The following CSMD1 variants were observed in gnomAD, a reference collection of about 807,000 sequenced individuals.
CSMD1 encodes CUB and sushi domain-containing protein 1.
A neutral mutation model predicts 417.5 loss-of-function variants in CSMD1; 213 were observed. That is an observed-to-expected ratio of 0.51 (90% CI 0.46 to 0.57). The LOEUF is 0.57. CSMD1 is among the 20% of genes least tolerant of loss of function. The pLI, the probability that CSMD1 is intolerant of heterozygous loss-of-function variation, is 0.00. For missense variants in CSMD1, 6,923 were observed against 4,529.7 expected (o/e 1.53, Z -15.17); for synonymous variants, 2,862 against 1,736.8 (o/e 1.65, Z -16.11).
chr8:3,776,158 A>ACGGAT (rs1188851701), intron 5 of CSMD1, among the ~76,000 whole-genome samples: 1 of 152,046 alleles, frequency 6.6e-6, no homozygotes, highest in East Asian at 1.9e-4. Flanking sequence ...TGCACATCAT[A>ACGGAT]CGGATCCTAC....
chr8:3,941,748 A>G (rs1810898423), intron 5 of CSMD1, among the ~76,000 whole-genome samples: 2 of 152,186 alleles, frequency 1.3e-5, no homozygotes, highest in Non-Finnish European at 1.5e-5. Context: ...AATCTTGCCT[A>G]AAACAGCATG....
rs989130046 is a variant in CSMD1, at chr8:3,852,707, G to C, written c.819-98665C>G. Reference sequence around the variant, plus strand: ...GTGGGGAGGAGCCTTTGGAGGCTGTGAGGGACGGGAGAGATGGAGGGTCAG... The same window carrying C: ...GTGGGGAGGAGCCTTTGGAGGCTGTCAGGGACGGGAGAGATGGAGGGTCAG... On this transcript the variant is annotated intron_variant, in intron 5 of 69. Coordinates refer to ENST00000635120, the MANE Select transcript of CSMD1 (RefSeq NM_033225.6). Among the ~76,000 whole-genome samples, 3 of 152,144 alleles carry C rather than the reference G, an allele frequency of 2.0e-5. No homozygotes were observed. The East Asian group carries it at 5.8e-4, about 30-fold the overall frequency.
intron 1 of CSMD1, among the ~76,000 whole-genome samples, chr8:4,892,266 T>A (rs1804170785): frequency 6.6e-6 from 1 of 152,060 alleles, no homozygotes; most frequent in African/African-American, 2.4e-5. Context: ...ACCACCTGGG[T>A]AGCCAGGTGT....
chr8:4,253,056 A>C (rs1368415835), intron 3 of CSMD1, among the ~76,000 whole-genome samples: 1 of 152,236 alleles, frequency 6.6e-6, no homozygotes, highest in Non-Finnish European at 1.5e-5. Context: ...ACGTCTTACG[A>C]TGAGACTACA....
At chr8:4,848,904 T>G (rs1801305019) in intron 1 of CSMD1, among the ~76,000 whole-genome samples, 1 of 152,242 alleles carries the variant, frequency 6.6e-6, no homozygotes, top group Admixed American at 6.5e-5. Context: ...TTTACTATAT[T>G]GTACTTTTTA....
chr8:4,862,206 TG>T (rs895583113), intron 1 of CSMD1, among the ~76,000 whole-genome samples: 8 of 152,034 alleles, frequency 5.3e-5, no homozygotes, highest in East Asian at 1.9e-4. Flanking sequence ...CAACGAGGCC[TG>T]GGGGGCTTGA....
intron 7 of CSMD1, among the ~76,000 whole-genome samples, chr8:3,678,390 G>A (rs532373008): frequency 6.6e-6 from 1 of 152,296 alleles, no homozygotes; most frequent in East Asian, 1.9e-4. Flanking sequence ...CGTGATGAAT[G>A]CACAAGTTTG....
chr8:4,425,651 G>C (rs1797506135), intron 2 of CSMD1, among the ~76,000 whole-genome samples: 1 of 150,964 alleles, frequency 6.6e-6, no homozygotes, highest in African/African-American at 2.4e-5. Flanking sequence ...ATTCTTGTCT[G>C]CCTCACTTTG....
chr8:4,656,298 G>T (rs1482980807), intron 1 of CSMD1, among the ~76,000 whole-genome samples: 1 of 151,966 alleles, frequency 6.6e-6, no homozygotes, highest in African/African-American at 2.4e-5. Context: ...AAAAGCAGGA[G>T]GAAAAGACAT....
chr8:3,985,985 C>T (rs1814293318), intron 5 of CSMD1, among the ~76,000 whole-genome samples: 1 of 151,958 alleles, frequency 6.6e-6, no homozygotes, highest in Non-Finnish European at 1.5e-5. Context: ...CTCTGACTCC[C>T]ATTTAAGCCA....
At position 4,489,064 on chromosome 8, in the gene CSMD1, C is replaced by T. The variant is rs532615641; in HGVS notation, c.303-68999G>A. 1.7e-4 allele frequency among the ~76,000 whole-genome samples: 26 copies of T among 152,302 alleles called. 1 individual carries two copies. In the South Asian group the frequency reaches 3.7e-3, roughly 22 times the overall value. ...TAGCTGGGAATACAGGTGCGTGCCA[C>T]CACACACAGCTAATTTTTTGTATTT... is the stretch of plus-strand genomic sequence containing the variant. On this transcript the variant is annotated intron_variant, in intron 2 of 69. Transcript: ENST00000635120.
In CSMD1 at chr8:3,764,651, G is replaced by C. The variant is rs545828625; in HGVS notation, c.819-10609C>G. On this transcript the variant is annotated intron_variant, in intron 5 of 69. Transcript: ENST00000635120. Reference sequence around the variant, plus strand: ...TTGTGACTTACCATGTGTCTGGCTAGACAGGGGCTGGGGAGTTCATTATCT... The same window carrying C: ...TTGTGACTTACCATGTGTCTGGCTACACAGGGGCTGGGGAGTTCATTATCT... Among the ~76,000 whole-genome samples, 51 of 152,130 alleles carry C rather than the reference G, an allele frequency of 3.4e-4. No individual in the cohort carries two copies. In the South Asian group the frequency reaches 9.8e-3, roughly 29 times the overall value.
At chr8:4,445,916 G>C (rs772225580) in intron 2 of CSMD1, among the ~76,000 whole-genome samples, 14 of 152,170 alleles carry the variant, frequency 9.2e-5, no homozygotes, top group Non-Finnish European at 1.6e-4. Context: ...GACGTGACCT[G>C]GGCCTTTCAG....
At chr8:4,782,183 C>T (rs1797184397) in intron 1 of CSMD1, among the ~76,000 whole-genome samples, 1 of 152,132 alleles carries the variant, frequency 6.6e-6, no homozygotes, top group Admixed American at 6.5e-5. Flanking sequence ...AAGAGTTCTG[C>T]TGTTCTATTG....
At chr8:3,964,433 T>C (rs985036887) in intron 5 of CSMD1, among the ~76,000 whole-genome samples, 2 of 152,176 alleles carry the variant, frequency 1.3e-5, no homozygotes, top group Non-Finnish European at 2.9e-5. Context: ...GAGGCCTTAA[T>C]CAGCCAGTGG....
At chr8:4,173,674 G>T (rs28676528) in intron 3 of CSMD1, among the ~76,000 whole-genome samples, 45,015 of 152,014 alleles carry the variant, frequency 0.3, 7,196 homozygotes, top group South Asian at 0.42. Context: ...TGTGATAACT[G>T]TAGTAGGAAA....
At chr8:3,962,382 G>C (rs540804907) in intron 5 of CSMD1, among the ~76,000 whole-genome samples, 2 of 152,288 alleles carry the variant, frequency 1.3e-5, no homozygotes, top group African/African-American at 4.8e-5. Context: ...GGCAGCACGG[G>C]CGTTGTCACC....
At chr8:3,909,898 C>T (rs1808350426) in intron 5 of CSMD1, among the ~76,000 whole-genome samples, 1 of 151,956 alleles carries the variant, frequency 6.6e-6, no homozygotes, top group Admixed American at 6.6e-5. Flanking sequence ...AAGACTAAGC[C>T]CTGTATTAAA....
intron 10 of CSMD1, among the ~76,000 whole-genome samples, chr8:3,551,333 C>G (rs1317518374): frequency 6.6e-6 from 1 of 152,020 alleles, no homozygotes; most frequent in African/African-American, 2.4e-5. Flanking sequence ...GTTTTGAAAG[C>G]CAACACACAC....
Sources: allele counts gnomAD v4.1 joint callset (sites outside exome capture counted in the v4.1 genomes callset), GRCh38; gene constraint gnomAD v4.1.1; transcripts MANE v1.5; gene names NCBI Gene and HGNC (gene_info 2026-07-23, HGNC 2026-07-21).